The following MAPKAP1 variants were observed in gnomAD, a reference collection of about 807,000 sequenced individuals.
MAPKAP1 encodes target of rapamycin complex 2 subunit MAPKAP1.
Under a neutral mutation model 65.7 loss-of-function variants are expected in MAPKAP1, and 20 were observed. The ratio of observed to expected loss-of-function variants is 0.30; its 90% CI spans 0.21 to 0.44. The LOEUF (loss-of-function observed/expected upper bound fraction) is 0.44. Ranked by LOEUF, MAPKAP1 falls within the 20% of genes least tolerant of loss-of-function variation. The pLI is 1.00. For missense variants in MAPKAP1, 423 were observed against 648.0 expected, an observed-to-expected ratio of 0.65 and a Z score of 3.77; for synonymous variants, 222 against 244.3, an observed-to-expected ratio of 0.91 and a Z score of 0.85.
chr9:125,706,578 A>C (rs906286085), intron 1 of MAPKAP1, among the ~76,000 whole-genome samples: 2 of 152,052 alleles, frequency 1.3e-5, no homozygotes, highest in African/African-American at 4.8e-5. Context: ...TAAGGCTGTT[A>C]ACCTCTTTAA....
rs576636475 is a variant in MAPKAP1, at chr9:125,450,812, A to G, written c.1346-6214T>C. 3.6e-4 allele frequency among the ~76,000 whole-genome samples: 55 copies of G among 152,304 alleles called. 1 individual carries two copies. Among genetic ancestry groups the G allele is most frequent in the Admixed American group, 1.0e-3 (16 of 15,302 alleles). Reference sequence around the variant, plus strand: ...TTTAGGCAAAGCTGTATCTTTCTGTAGGTCCTAGTAGGAAATGCTGGACTG... The same window carrying G: ...TTTAGGCAAAGCTGTATCTTTCTGTGGGTCCTAGTAGGAAATGCTGGACTG... On this transcript the variant is annotated intron_variant, in intron 10 of 11. Coordinates refer to ENST00000265960, the MANE Select transcript of MAPKAP1 (RefSeq NM_001006617.3).
intron 4 of MAPKAP1, among the ~76,000 whole-genome samples, chr9:125,640,676 CTAGT>C (rs771657771): frequency 6.6e-6 from 1 of 152,134 alleles, no homozygotes; most frequent in Admixed American, 6.5e-5. Flanking sequence ...TTTTTACTGA[CTAGT>C]TAATTTAGCC....
chr9:125,576,508 G>A (rs566681666), intron 5 of MAPKAP1, among the ~76,000 whole-genome samples: 116 of 150,194 alleles, frequency 7.7e-4, no homozygotes, highest in Middle Eastern at 3.5e-3. Context: ...CTCTCCCCAC[G>A]GTCTCCCTCT....
intron 1 of MAPKAP1, among the ~76,000 whole-genome samples, chr9:125,691,982 G>T (rs1835184462): frequency 6.6e-6 from 1 of 152,194 alleles, no homozygotes. Context: ...AGAGCCTAGG[G>T]CTGCTTCCAG....
intron 7 of MAPKAP1, among the ~76,000 whole-genome samples, chr9:125,524,526 C>T (rs1437080755): frequency 6.6e-6 from 1 of 152,148 alleles, no homozygotes; most frequent in East Asian, 1.9e-4. Context: ...TATTTTAAGC[C>T]AATTGTGACT....
chr9:125,551,128 G>A (rs1830572018), intron 6 of MAPKAP1, among the ~76,000 whole-genome samples: 1 of 152,148 alleles, frequency 6.6e-6, no homozygotes, highest in Non-Finnish European at 1.5e-5. Context: ...AAATGAGATA[G>A]CATCTATTGG....
chr9:125,519,298 C>G (rs1375782201), intron 7 of MAPKAP1, among the ~76,000 whole-genome samples: 1 of 152,124 alleles, frequency 6.6e-6, no homozygotes, highest in Admixed American at 6.5e-5. Flanking sequence ...GTTGAGCAGG[C>G]AAAGGTGAAG....
At chr9:125,625,628 C>G (rs931039467) in intron 4 of MAPKAP1, among the ~76,000 whole-genome samples, 1 of 152,130 alleles carries the variant, frequency 6.6e-6, no homozygotes, top group Non-Finnish European at 1.5e-5. Context: ...AACCCCATCT[C>G]TACTAAAAAT....
intron 1 of MAPKAP1, among the ~76,000 whole-genome samples, chr9:125,698,925 T>C (rs954087811): frequency 6.6e-6 from 1 of 152,186 alleles, no homozygotes; most frequent in Admixed American, 6.5e-5. Flanking sequence ...GATCCAGACA[T>C]GAAAATGAGT....
chr9:125,632,860 G>T (rs1189740502), intron 4 of MAPKAP1, among the ~76,000 whole-genome samples: 1 of 152,194 alleles, frequency 6.6e-6, no homozygotes, highest in East Asian at 1.9e-4. Context: ...AATGTGACTG[G>T]AGAATATCTC....
At chr9:125,653,468 G>A (rs1180724344) in intron 4 of MAPKAP1, among the ~76,000 whole-genome samples, 1 of 152,194 alleles carries the variant, frequency 6.6e-6, no homozygotes, top group African/African-American at 2.4e-5. Context: ...CTTAGGAGAT[G>A]AGGATGCTCC....
At chr9:125,609,733 AC>A (rs1218085173) in intron 4 of MAPKAP1, among the ~76,000 whole-genome samples, 1 of 151,954 alleles carries the variant, frequency 6.6e-6, no homozygotes, top group Admixed American at 6.6e-5. Flanking sequence ...TTTCTCCCAA[AC>A]CCACATTCAA....
At chr9:125,578,872 TTAA>T (rs753909298) in intron 5 of MAPKAP1, among the ~76,000 whole-genome samples, 3 of 152,370 alleles carry the variant, frequency 2.0e-5, no homozygotes, top group East Asian at 1.9e-4. Flanking sequence ...GGACATTGAC[TTAA>T]TAAGTATATA....
At chr9:125,531,326 G>C (rs1050988380) in intron 7 of MAPKAP1, among the ~76,000 whole-genome samples, 2 of 152,208 alleles carry the variant, frequency 1.3e-5, no homozygotes, top group African/African-American at 4.8e-5. Flanking sequence ...ACCTCTCTGA[G>C]CTTTAGTATT....
intron 8 of MAPKAP1, among the ~76,000 whole-genome samples, chr9:125,501,062 C>T (rs2133072107): frequency 6.6e-6 from 1 of 152,286 alleles, no homozygotes. Flanking sequence ...AGGATTGTTA[C>T]ACTAAGACAT....
At chr9:125,553,947 C>T (rs533299005) in intron 6 of MAPKAP1, among the ~76,000 whole-genome samples, 5 of 150,978 alleles carry the variant, frequency 3.3e-5, no homozygotes, top group East Asian at 2.0e-4. Context: ...TGAGGTGGGA[C>T]GATTGCTCGA....
intron 1 of MAPKAP1, among the ~76,000 whole-genome samples, chr9:125,691,342 T>C (rs952806532): frequency 6.6e-6 from 1 of 152,062 alleles, no homozygotes; most frequent in African/African-American, 2.4e-5. Context: ...AGGGGGAAGT[T>C]TATGGCTTGC....
intron 4 of MAPKAP1, among the ~76,000 whole-genome samples, chr9:125,651,515 G>T (rs897396739): frequency 6.6e-6 from 1 of 152,116 alleles, no homozygotes; most frequent in East Asian, 1.9e-4. Flanking sequence ...TGAGGCGGGA[G>T]AAATCACTTG....
chr9:125,545,650 T>C (rs536789502), intron 6 of MAPKAP1, among the ~76,000 whole-genome samples: 31 of 152,360 alleles, frequency 2.0e-4, no homozygotes, highest in African/African-American at 4.3e-4. Flanking sequence ...AATACGTTTA[T>C]CTTTTTCAGC....
Sources: gnomAD v4.1 joint callset for allele counts (sites outside exome capture counted in the v4.1 genomes callset) on GRCh38, gnomAD v4.1.1 for gene constraint, MANE v1.5 for transcripts, NCBI Gene and HGNC (gene_info 2026-07-23, HGNC 2026-07-21) for gene names.